Variants in NR4A1 observed in about 807,000 individuals in gnomAD.
The protein encoded by NR4A1 is nuclear receptor subfamily 4immunitygroup A member 1.
A neutral mutation model predicts 47.5 loss-of-function variants in NR4A1; 24 were observed. That is an observed-to-expected ratio of 0.50 (90% CI 0.37 to 0.71). The LOEUF (loss-of-function observed/expected upper bound fraction) is 0.71, where lower values mean the gene tolerates loss of function less well. Among genes scored for constraint, NR4A1 ranks in the 30% least tolerant of loss-of-function variants. NR4A1 has a pLI of 0.00. For synonymous variants in NR4A1, 353 were observed against 345.7 expected, an observed-to-expected ratio of 1.02 and a Z score of -0.24; for missense variants, 669 against 788.6, an observed-to-expected ratio of 0.85 and a Z score of 1.82.
At chr12:52,025,440 C>A (rs1193296728) in intron 1 of NR4A1, among the ~76,000 whole-genome samples, 1 of 152,148 alleles carries the variant, frequency 6.6e-6, no homozygotes, top group African/African-American at 2.4e-5. Context: ...AGCGCCTTCC[C>A]ACCGGTCCTG....
chr12:52,026,314 C>T (rs1271251234), intron 1 of NR4A1, among the ~76,000 whole-genome samples: 1 of 152,132 alleles, frequency 6.6e-6, no homozygotes, highest in East Asian at 1.9e-4. Context: ...AATTGCAAGG[C>T]TAAATGAAGG....
Position 52,055,077 on chromosome 12 carries a change from T to A in NR4A1, c.749T>A (p.Val250Glu). ...GGCTCGGGGATACTGGATACACCCG[T>A]GACCTCAACCAAGGCCCGGAGCGGG... Reference protein sequence around the residue: ...LEGSGILDTPVTSTKARSGAP... With the variant: ...LEGSGILDTPETSTKARSGAP... The change falls in exon 2 of 7, where the codon GTG (valine) becomes GAG (glutamate). Residue 250 changes from valine (V) to glutamate (E), a missense_variant. By Grantham distance (121) the Val-to-Glu change is moderately radical (BLOSUM62 -2). Coordinates refer to ENST00000394825, the MANE Select transcript of NR4A1 (RefSeq NM_173157.3). 6.2e-7 allele frequency: 1 copy of A among 1,614,236 alleles called. No individual in the cohort carries two copies.
At chr12:52,051,047 T>G (rs1172512060), upstream of NR4A1, among the ~76,000 whole-genome samples, 1 of 152,110 alleles carries the variant, frequency 6.6e-6, no homozygotes, top group African/African-American at 2.4e-5. Context: ...ACAGCGCCCC[T>G]TCTCGGGCTC....
chr12:52,037,508 T>C (rs1938278652), intron 1 of NR4A1: 1 of 974,144 alleles, frequency 1.0e-6, no homozygotes, highest in South Asian at 4.8e-5. Context: ...GGGTCTTCGG[T>C]GGATGCCTTT....
chr12:52,049,388 A>G (rs572817204), upstream of NR4A1, among the ~76,000 whole-genome samples: 1 of 152,330 alleles, frequency 6.6e-6, no homozygotes, highest in Non-Finnish European at 1.5e-5. Context: ...TAGAAAGAGG[A>G]GACAGGCAGG....
upstream of NR4A1, among the ~76,000 whole-genome samples, chr12:52,046,689 A>G (rs375094654): frequency 1.3e-5 from 2 of 152,196 alleles, no homozygotes; most frequent in Admixed American, 1.3e-4. Context: ...TGGCTATTTT[A>G]AAATAAAATT....
chr12:52,039,089 AT>A (rs1938345913), intron 1 of NR4A1, among the ~76,000 whole-genome samples: 1 of 152,212 alleles, frequency 6.6e-6, no homozygotes, highest in South Asian at 2.1e-4. Context: ...GTTGCTTAAC[AT>A]TTCTTTCTGG....
chr12:52,057,903 G>C (rs553825634), intron 6 of NR4A1, among the ~76,000 whole-genome samples: 1 of 152,294 alleles, frequency 6.6e-6, no homozygotes, highest in South Asian at 2.1e-4. Flanking sequence ...CCTTGGTCAA[G>C]AAAGAGCACA....
Position 52,056,632 on chromosome 12 carries a change from T to C in NR4A1, c.1145T>C (p.Leu382Pro). The C allele has an allele frequency of 6.3e-7, 1 of 1,598,110 alleles. No individual in the cohort carries two copies. The highest frequency in any genetic ancestry group is 8.5e-7 in the Non-Finnish European group (1 of 1,175,326). ...GACTCAGGGCCCAGCACTGCCAAAC[T>C]GGACTACTCCAAGGTGAGGTCCCAC... is the stretch of plus-strand genomic sequence containing the variant. ...HLDSGPSTAK[L>P]DYSKFQELVL... The change falls in exon 4 of 7, where the codon CTG (leucine) becomes CCG (proline). Residue 382 changes from leucine (L) to proline (P), a missense_variant. Transcript: ENST00000394825.
intron 1 of NR4A1, among the ~76,000 whole-genome samples, chr12:52,040,297 C>T (rs918148697): frequency 6.6e-6 from 1 of 152,218 alleles, no homozygotes; most frequent in Non-Finnish European, 1.5e-5. Context: ...TGGGCACCAC[C>T]TGGTGCCAAA....
At chr12:52,047,052 C>G (rs1938675734), upstream of NR4A1, among the ~76,000 whole-genome samples, 1 of 148,310 alleles carries the variant, frequency 6.7e-6, no homozygotes, top group Non-Finnish European at 1.5e-5. Context: ...GTGGGGCTGT[C>G]TCGTCTCCAT....
intron 1 of NR4A1, among the ~76,000 whole-genome samples, chr12:52,025,102 C>T (rs1015356604): frequency 3.3e-5 from 5 of 151,366 alleles, no homozygotes; most frequent in Admixed American, 2.6e-4. Context: ...CTCTGTCGCC[C>T]AGGCTGGAGT....
upstream of NR4A1, among the ~76,000 whole-genome samples, chr12:52,051,175 G>A (rs949970660): frequency 8.5e-5 from 13 of 152,222 alleles, no homozygotes; most frequent in Admixed American, 7.2e-4. Context: ...GGCGCGAGGA[G>A]CCTATTTATA....
Position 52,059,028 on chromosome 12 carries a change from C to A in NR4A1, c.*84C>A. ...TAGTCCACGGACCCCCAGAGCACCC[C>A]CAAGCCTGGGCTTGAGCTGCAGAAT... On this transcript the variant is annotated 3_prime_UTR_variant, in exon 7 of 7. Transcript: ENST00000394825. 2.7e-6 allele frequency: 4 copies of A among 1,483,244 alleles called. No individual in the cohort carries two copies. Among genetic ancestry groups the A allele is most frequent in the Non-Finnish European group, 3.6e-6 (4 of 1,102,248 alleles). The allele number at this position is 1,483,244 out of a possible 1,614,324, so 91.9% of individuals were successfully genotyped here.
rs144165581 is a variant in NR4A1, at chr12:52,058,835, G to A, written c.1688G>A (p.Arg563Gln). The A allele has an allele frequency of 4.4e-4, 717 of 1,613,944 alleles. 2 individuals carry two copies. The highest frequency in any genetic ancestry group is 5.3e-4 in the Non-Finnish European group (625 of 1,179,976). The change falls in exon 7 of 7, where the codon CGG becomes CAG. Residue 563 changes from arginine (R) to glutamine (Q), a missense_variant. Transcript: ENST00000394825. ...CTGTTGGGCAAACTGCCCGAGCTGC[G>A]GACCCTGTGCACCCAGGGCCTGCAG... ...SRLLGKLPELRTLCTQGLQRI... is the reference protein window; with the variant it reads ...SRLLGKLPELQTLCTQGLQRI...
upstream of NR4A1, among the ~76,000 whole-genome samples, chr12:52,048,405 T>G (rs191364071): frequency 1.3e-5 from 2 of 151,868 alleles, no homozygotes; most frequent in South Asian, 2.1e-4. Flanking sequence ...CCATCCTGGC[T>G]AACACAGTGA....
intron 1 of NR4A1, among the ~76,000 whole-genome samples, chr12:52,040,728 T>C (rs1381629879): frequency 6.6e-6 from 1 of 152,182 alleles, no homozygotes; most frequent in Non-Finnish European, 1.5e-5. Context: ...CCTGTAGACC[T>C]TGGGCAAAGG....
Position 52,057,180 on chromosome 12 carries a change from G to A in NR4A1, c.1282G>A (p.Ala428Thr). The A allele has an allele frequency of 6.2e-7, 1 of 1,614,104 alleles. No individual in the cohort carries two copies. The highest frequency in any genetic ancestry group is 2.2e-5 in the East Asian group (1 of 44,888). The change falls in exon 5 of 7, where the codon GCT becomes ACT. Residue 428 changes from alanine to threonine, a missense_variant. Coordinates refer to ENST00000394825, the MANE Select transcript of NR4A1 (RefSeq NM_173157.3). Reference protein sequence around the residue: ...RKWAEKIPGFAELSPADQDLL... With the variant: ...RKWAEKIPGFTELSPADQDLL... ...GTGGGCGGAGAAGATCCCTGGCTTT[G>A]CTGAGCTGTCACCGGCTGACCAGGA...
At chr12:52,058,392 A>C (rs1592310610) in intron 6 of NR4A1, 3 of 421,424 alleles carry the variant, frequency 7.1e-6, no homozygotes, top group African/African-American at 2.0e-5. Context: ...GATTTTAAAA[A>C]CCCAATGATC....
Sources: gnomAD v4.1 joint callset for allele counts (sites outside exome capture counted in the v4.1 genomes callset) on GRCh38, gnomAD v4.1.1 for gene constraint, MANE v1.5 for transcripts, NCBI Gene and HGNC (gene_info 2026-07-23, HGNC 2026-07-21) for gene names.